The following MIR2052HG variants were observed in gnomAD, a reference collection of about 807,000 sequenced individuals.
The protein encoded by MIR2052HG is MIR2052 host gene.
chr8:74,731,926 G>A (rs1395633084), intron 4 of MIR2052HG, among the ~76,000 whole-genome samples: 1 of 152,098 alleles, frequency 6.6e-6, no homozygotes, highest in Non-Finnish European at 1.5e-5. Flanking sequence ...TTTTCTTTTT[G>A]CAAACACTCA....
chr8:74,701,637 T>C (rs570704458), intron 2 of MIR2052HG, among the ~76,000 whole-genome samples: 1 of 152,246 alleles, frequency 6.6e-6, no homozygotes, highest in East Asian at 1.9e-4. Context: ...TCTGAGCCAT[T>C]CTTTTCATTT....
chr8:74,749,015 G>A (rs1340873196), intron 4 of MIR2052HG, among the ~76,000 whole-genome samples: 2 of 152,052 alleles, frequency 1.3e-5, no homozygotes, highest in East Asian at 3.9e-4. Context: ...AACTTTGCAT[G>A]CCTCTTGGAT....
chr8:74,745,429 A>G (rs1490014432), intron 4 of MIR2052HG, among the ~76,000 whole-genome samples: 9 of 152,198 alleles, frequency 5.9e-5, no homozygotes, highest in Admixed American at 5.9e-4. Context: ...TTTCTCATAT[A>G]TTTAAATCAT....
chr8:74,702,517 T>C, intron 3 of MIR2052HG: 2 of 370,716 alleles, frequency 5.4e-6, no homozygotes, highest in Non-Finnish European at 1.1e-5. Flanking sequence ...CCTACTAGAA[T>C]TGGGGAATGG....
intron 2 of MIR2052HG, among the ~76,000 whole-genome samples, chr8:74,640,248 A>G (rs930977353): frequency 1.3e-4 from 20 of 152,132 alleles, no homozygotes; most frequent in Non-Finnish European, 2.2e-4. Context: ...CAGGTGGATC[A>G]TGAGGTCAGG....
At chr8:74,661,480 C>T (rs147777675) in intron 2 of MIR2052HG, among the ~76,000 whole-genome samples, 2 of 152,082 alleles carry the variant, frequency 1.3e-5, no homozygotes, top group Non-Finnish European at 2.9e-5. Flanking sequence ...GGATTACAGG[C>T]GTGAGTCACT....
intron 2 of MIR2052HG, among the ~76,000 whole-genome samples, chr8:74,665,780 T>C (rs1808916775): frequency 6.6e-6 from 1 of 152,160 alleles, no homozygotes; most frequent in Non-Finnish European, 1.5e-5. Context: ...CTCCCATAAT[T>C]CTCATGTGTC....
intron 2 of MIR2052HG, among the ~76,000 whole-genome samples, chr8:74,686,113 CA>C (rs147143219): frequency 0.097 from 14,371 of 148,318 alleles, 1,504 homozygotes; most frequent in African/African-American, 0.27. Context: ...TTTTTTTCTT[CA>C]AAAAAAATTC....
At chr8:74,631,247 A>G (rs1808507079) in intron 2 of MIR2052HG, among the ~76,000 whole-genome samples, 1 of 152,176 alleles carries the variant, frequency 6.6e-6, no homozygotes, top group Non-Finnish European at 1.5e-5. Context: ...TCATTTGGTT[A>G]TCTGTGGAGT....
chr8:74,714,718 G>GT (rs1809503763), intron 4 of MIR2052HG, among the ~76,000 whole-genome samples: 3 of 76,504 alleles, frequency 3.9e-5, no homozygotes, highest in Non-Finnish European at 5.3e-5. Context: ...TTTTTTTTTT[G>GT]TTTTTTTGAG....
chr8:74,656,421 T>C (rs1808806986), intron 2 of MIR2052HG, among the ~76,000 whole-genome samples: 1 of 152,264 alleles, frequency 6.6e-6, no homozygotes, highest in South Asian at 2.1e-4. Flanking sequence ...AATTGAATCA[T>C]GGGGGCCAGT....
intron 4 of MIR2052HG, among the ~76,000 whole-genome samples, chr8:74,723,889 C>T (rs1350137314): frequency 3.3e-5 from 5 of 152,128 alleles, no homozygotes; most frequent in African/African-American, 4.8e-5. Context: ...TATTTCTAGA[C>T]AAAAATTTGA....
chr8:74,676,089 A>T (rs532458808), intron 2 of MIR2052HG, among the ~76,000 whole-genome samples: 1 of 152,162 alleles, frequency 6.6e-6, no homozygotes, highest in South Asian at 2.1e-4. Flanking sequence ...GAGAAAAATC[A>T]ATTACAAATT....
chr8:74,756,911 A>T (rs1810011212), intron 5 of MIR2052HG: 1 of 152,286 alleles, frequency 6.6e-6, no homozygotes, highest in Non-Finnish European at 1.5e-5. Flanking sequence ...TGAATAAAGC[A>T]GTACTCATTG....
intron 2 of MIR2052HG, among the ~76,000 whole-genome samples, chr8:74,620,704 G>C (rs967211174): frequency 1.3e-5 from 2 of 152,240 alleles, no homozygotes; most frequent in African/African-American, 4.8e-5. Flanking sequence ...AGTGGCCTTG[G>C]GCTGGGCCCC....
At chr8:74,723,723 G>A (rs945677255) in intron 4 of MIR2052HG, among the ~76,000 whole-genome samples, 1 of 152,152 alleles carries the variant, frequency 6.6e-6, no homozygotes, top group African/African-American at 2.4e-5. Flanking sequence ...AATGTGCTCA[G>A]CCATTTCAGG....
At chr8:74,702,962 T>C (rs1809372830) in intron 3 of MIR2052HG, among the ~76,000 whole-genome samples, 1 of 152,082 alleles carries the variant, frequency 6.6e-6, no homozygotes. Context: ...AATATATTGG[T>C]GAGAGGGGTG....
chr8:74,669,511 C>T (rs1056064974), intron 2 of MIR2052HG, among the ~76,000 whole-genome samples: 1 of 152,184 alleles, frequency 6.6e-6, no homozygotes, highest in Non-Finnish European at 1.5e-5. Flanking sequence ...GAGATCTTGT[C>T]ATTTTCCTAA....
chr8:74,613,073 A>G (rs1295418109), intron 2 of MIR2052HG: 3 of 342,188 alleles, frequency 8.8e-6, no homozygotes, highest in Admixed American at 7.5e-5. Context: ...GAGAGAGGCC[A>G]CGGCTACAGT....
Sources: allele counts gnomAD v4.1 joint callset (sites outside exome capture counted in the v4.1 genomes callset), GRCh38; gene constraint gnomAD v4.1.1; transcripts MANE v1.5; gene names NCBI Gene and HGNC (gene_info 2026-07-23, HGNC 2026-07-21).